The following FMNL2 variants were observed in gnomAD, a reference collection of about 807,000 sequenced individuals.
The protein encoded by FMNL2 is formin-like protein 2.
A neutral mutation model predicts 130.2 loss-of-function variants in FMNL2; 51 were observed. That is an observed-to-expected ratio of 0.39 (90% CI 0.31 to 0.49). The LOEUF (loss-of-function observed/expected upper bound fraction) is 0.49, where lower values mean the gene tolerates loss of function less well. Ranked by LOEUF, FMNL2 falls within the 20% of genes least tolerant of loss-of-function variation. FMNL2 has a pLI of 0.85. For missense variants in FMNL2, 977 were observed against 1,316.2 expected, an observed-to-expected ratio of 0.74 and a Z score of 3.99; for synonymous variants, 465 against 467.1, an observed-to-expected ratio of 1.00 and a Z score of 0.06.
At chr2:152,394,139 T>C (rs1685270274) in intron 1 of FMNL2, among the ~76,000 whole-genome samples, 1 of 152,344 alleles carries the variant, frequency 6.6e-6, no homozygotes, top group East Asian at 1.9e-4. Context: ...AGTTTGAATT[T>C]CTTACAACAT....
rs79179587 is a variant in FMNL2 at position 152,470,675 on chromosome 2, C to T, written c.118-51268C>T. 3.0e-3 allele frequency among the ~76,000 whole-genome samples: 462 copies of T among 152,322 alleles called. 9 individuals are homozygous for T. The East Asian group carries it at 0.049, about 16-fold the overall frequency. On this transcript the variant is annotated intron_variant, in intron 1 of 25. Coordinates refer to ENST00000288670, the MANE Select transcript of FMNL2 (RefSeq NM_052905.4). ...ATATAGCCTTCTCATATTGCCACTTCTAGATCCACTTGTAGGCTTAATTTT... is the reference window on the plus strand; with the variant it reads ...ATATAGCCTTCTCATATTGCCACTTTTAGATCCACTTGTAGGCTTAATTTT...
intron 1 of FMNL2, among the ~76,000 whole-genome samples, chr2:152,485,446 G>A (rs967984949): frequency 8.5e-5 from 13 of 152,166 alleles, no homozygotes; most frequent in South Asian, 8.3e-4. Flanking sequence ...CCAGCTACTC[G>A]GGAGGCTGAA....
rs568958183 is a variant in FMNL2 at position 152,553,098 on chromosome 2, GAGGAACTGCT to G, written c.359+4002_359+4011del. On this transcript the variant is annotated intron_variant, in intron 4 of 25. Transcript: ENST00000288670. ...AGGTTTGTAGAAAAGGGAAGATGCT[GAGGAACTGCT>G]TAGTTGATGTCTTCTCTCCTGCCCA... Among the ~76,000 whole-genome samples the G allele has an allele frequency of 1.8e-3, 274 of 152,274 alleles. 2 individuals carry two copies. The highest frequency in any genetic ancestry group is 6.3e-3 in the African/African-American group (262 of 41,550).
intron 23 of FMNL2, among the ~76,000 whole-genome samples, chr2:152,638,169 C>T (rs1559031290): frequency 2.6e-5 from 4 of 152,196 alleles, no homozygotes; most frequent in African/African-American, 9.7e-5. Context: ...TGGGCACTCT[C>T]TGTTTCTTTG....
chr2:152,346,473 G>A (rs1579441138), intron 1 of FMNL2, among the ~76,000 whole-genome samples: 1 of 151,490 alleles, frequency 6.6e-6, no homozygotes, highest in Non-Finnish European at 1.5e-5. Context: ...GCAAGATCCT[G>A]TGCCTGTGAA....
intron 10 of FMNL2, chr2:152,607,691 T>C: frequency 4.0e-6 from 1 of 250,436 alleles, no homozygotes; most frequent in East Asian, 7.5e-5. Flanking sequence ...CAGCCATGCC[T>C]GGTGCAAATG....
intron 4 of FMNL2, among the ~76,000 whole-genome samples, chr2:152,556,095 T>A (rs1254705103): frequency 6.6e-6 from 1 of 152,208 alleles, no homozygotes. Flanking sequence ...GCCAGTTCTC[T>A]CCAATACAGA....
chr2:152,617,246 G>A (rs1699003447), intron 13 of FMNL2, 54 bp downstream of exon 13: 1 of 1,517,256 alleles, frequency 6.6e-7, no homozygotes, highest in African/African-American at 1.4e-5. Flanking sequence ...ATGTACTCCA[G>A]CTTTCGTCCA....
chr2:152,547,405 T>C (rs1694704600), intron 3 of FMNL2, among the ~76,000 whole-genome samples: 1 of 152,196 alleles, frequency 6.6e-6, no homozygotes, highest in African/African-American at 2.4e-5. Flanking sequence ...TCCATCACAT[T>C]GGGGACATTT....
At chr2:152,571,376 A>G (rs748097354) in intron 6 of FMNL2, among the ~76,000 whole-genome samples, 15 of 152,192 alleles carry the variant, frequency 9.9e-5, no homozygotes, top group Admixed American at 1.3e-4. Context: ...ATGTGTGCCA[A>G]TTATCCATGG....
Position 152,361,944 on chromosome 2 carries a change from CT to C in FMNL2, c.117+26231del, listed in dbSNP as rs35010068. On this transcript the variant is annotated intron_variant, in intron 1 of 25. Coordinates refer to ENST00000288670, the MANE Select transcript of FMNL2 (RefSeq NM_052905.4). ...TCAATGCCAACCATACCTATAAATA[CT>C]TTTTTTCCCATTAGTACACATAATA... 2.9e-4 allele frequency among the ~76,000 whole-genome samples: 44 copies of C among 152,254 alleles called. 1 individual carries two copies. In the East Asian group the frequency reaches 3.7e-3, roughly 13 times the overall value.
intron 1 of FMNL2, among the ~76,000 whole-genome samples, chr2:152,433,277 G>A (rs1687590957): frequency 6.6e-6 from 1 of 152,172 alleles, no homozygotes; most frequent in South Asian, 2.1e-4. Flanking sequence ...ACAATTCACT[G>A]CGTTTCAACT....
intron 1 of FMNL2, among the ~76,000 whole-genome samples, chr2:152,517,418 CA>C (rs1212874117): frequency 6.6e-6 from 1 of 152,100 alleles, no homozygotes; most frequent in African/African-American, 2.4e-5. Context: ...AGAAGAACAT[CA>C]AAAATTGTTC....
At chr2:152,460,235 T>G (rs1689166863) in intron 1 of FMNL2, among the ~76,000 whole-genome samples, 1 of 152,186 alleles carries the variant, frequency 6.6e-6, no homozygotes, top group Admixed American at 6.5e-5. Context: ...GGACAAAGAA[T>G]AGCATGTTCT....
Position 152,649,397 on chromosome 2 carries a change from T to TAAAAA in FMNL2, c.*1492_*1493insAAAAA, listed in dbSNP as rs1683885739. On this transcript the variant is annotated 3_prime_UTR_variant, in exon 26 of 26. Transcript: ENST00000288670. Reference sequence around the variant, plus strand: ...TTATAGTTTTTTTTAATATATATATTTAACTATAAGGACAGTTTAGGGAAC... The same window carrying TAAAAA: ...TTATAGTTTTTTTTAATATATATATTAAAAATAACTATAAGGACAGTTTAGGGAAC... 1.3e-5 allele frequency: 2 copies of TAAAAA among 152,498 alleles called. No homozygotes were observed. The highest frequency in any genetic ancestry group is 2.9e-5 in the Non-Finnish European group (2 of 68,022). The allele number at this position is 152,498 out of a possible 1,614,324, so 9.4% of individuals were successfully genotyped here. A position where few individuals can be genotyped will look rare whatever the true frequency, so the allele number is the denominator to read the frequency against.
intron 1 of FMNL2, among the ~76,000 whole-genome samples, chr2:152,342,825 C>T (rs1297512807): frequency 1.3e-5 from 2 of 152,172 alleles, no homozygotes; most frequent in Non-Finnish European, 2.9e-5. Flanking sequence ...GTGGACCAGA[C>T]GGGCTTGGAA....
intron 1 of FMNL2, among the ~76,000 whole-genome samples, chr2:152,511,267 T>A (rs928179509): frequency 6.6e-6 from 1 of 152,244 alleles, no homozygotes; most frequent in African/African-American, 2.4e-5. Context: ...ACCCTGTGAT[T>A]ATAACTGGTT....
chr2:152,631,702 A>G (rs1682182303), intron 20 of FMNL2, among the ~76,000 whole-genome samples: 1 of 152,214 alleles, frequency 6.6e-6, no homozygotes, highest in African/African-American at 2.4e-5. Context: ...TCCTGAAACC[A>G]TGGGAAGTAA....
chr2:152,344,811 G>T (rs1682020181), intron 1 of FMNL2, among the ~76,000 whole-genome samples: 1 of 152,148 alleles, frequency 6.6e-6, no homozygotes, highest in Non-Finnish European at 1.5e-5. Flanking sequence ...TTGGCTTCCT[G>T]TAGTGAAATT....
Sources: gnomAD v4.1 joint callset for allele counts (sites outside exome capture counted in the v4.1 genomes callset) on GRCh38, gnomAD v4.1.1 for gene constraint, MANE v1.5 for transcripts, NCBI Gene and HGNC (gene_info 2026-07-23, HGNC 2026-07-21) for gene names.